EBF1: variants seen among roughly 807,000 people sequenced by gnomAD.
The protein encoded by EBF1 is transcription factor COE1.
In EBF1, 10 loss-of-function variants were observed where a neutral mutation model predicts 68.4. That is an observed-to-expected ratio of 0.15 (90% CI 0.09 to 0.25). The LOEUF is 0.25. Among genes scored for constraint, EBF1 ranks in the 10% least tolerant of loss-of-function variants. EBF1 has a pLI of 1.00. For synonymous variants in EBF1, 298 were observed against 299.8 expected, an observed-to-expected ratio of 0.99 and a Z score of 0.06; for missense variants, 509 against 794.4, an observed-to-expected ratio of 0.64 and a Z score of 4.32.
chr5:158,900,217 T>C (rs566709743), intron 6 of EBF1, among the ~76,000 whole-genome samples: 3 of 152,328 alleles, frequency 2.0e-5, no homozygotes, highest in South Asian at 2.1e-4. Context: ...GGTTATATTT[T>C]ACAAAGATGC....
At chr5:158,828,310 G>A (rs1582292343) in intron 7 of EBF1, among the ~76,000 whole-genome samples, 1 of 152,130 alleles carries the variant, frequency 6.6e-6, no homozygotes, top group African/African-American at 2.4e-5. Flanking sequence ...TGCATTGAAG[G>A]CCTGATCTCC....
At chr5:158,960,615 C>A (rs1817991439) in intron 6 of EBF1, among the ~76,000 whole-genome samples, 1 of 152,058 alleles carries the variant, frequency 6.6e-6, no homozygotes, top group Non-Finnish European at 1.5e-5. Flanking sequence ...TAAATATATC[C>A]ACAAATTCTT....
intron 6 of EBF1, among the ~76,000 whole-genome samples, chr5:159,016,139 T>A (rs750848063): frequency 6.6e-6 from 1 of 152,236 alleles, no homozygotes; most frequent in Non-Finnish European, 1.5e-5. Context: ...TTACTAGATG[T>A]GTTTCATGAG....
chr5:159,004,274 C>A (rs1199598367), intron 6 of EBF1, among the ~76,000 whole-genome samples: 34 of 104,434 alleles, frequency 3.3e-4, no homozygotes, highest in Non-Finnish European at 6.7e-5. Context: ...GAGACTCCAT[C>A]TCCAAAAAAA....
chr5:158,840,332 T>C (rs564337619), intron 6 of EBF1, among the ~76,000 whole-genome samples: 42 of 152,320 alleles, frequency 2.8e-4, no homozygotes, highest in African/African-American at 9.9e-4. Context: ...TGCCAACAGA[T>C]CTCACAGAAG....
chr5:158,740,870 T>G (rs188302465), intron 10 of EBF1, among the ~76,000 whole-genome samples: 1 of 152,314 alleles, frequency 6.6e-6, no homozygotes, highest in African/African-American at 2.4e-5. Flanking sequence ...TGTCTACTAC[T>G]TCAGAGCTCC....
intron 6 of EBF1, among the ~76,000 whole-genome samples, chr5:158,922,624 T>A (rs1314625593): frequency 6.6e-6 from 1 of 152,128 alleles, no homozygotes; most frequent in African/African-American, 2.4e-5. Flanking sequence ...AAAAGTAGAT[T>A]TACGGAAAGT....
intron 6 of EBF1, among the ~76,000 whole-genome samples, chr5:158,947,332 G>A (rs1430261244): frequency 6.6e-6 from 1 of 152,236 alleles, no homozygotes; most frequent in African/African-American, 2.4e-5. Context: ...TTGGCAACCG[G>A]GAGAATCTCC....
At chr5:158,779,699 G>T (rs937009346) in intron 9 of EBF1, among the ~76,000 whole-genome samples, 4 of 152,076 alleles carry the variant, frequency 2.6e-5, no homozygotes, top group Non-Finnish European at 5.9e-5. Flanking sequence ...TTTAAAAGAT[G>T]GAAAGATATT....
At chr5:159,039,908 A>G (rs1770834435) in intron 6 of EBF1, among the ~76,000 whole-genome samples, 1 of 152,224 alleles carries the variant, frequency 6.6e-6, no homozygotes, top group African/African-American at 2.4e-5. Context: ...TTTCTGGAGT[A>G]CCTCTAAAAG....
At chr5:159,073,308 T>C in intron 6 of EBF1, 88 bp downstream of exon 6, 2 of 1,416,890 alleles carry the variant, frequency 1.4e-6, no homozygotes, top group Non-Finnish European at 2.0e-6. Context: ...GCCACATGCA[T>C]TCCTAACCCT....
At chr5:158,764,414 A>G (rs897519871) in intron 10 of EBF1, among the ~76,000 whole-genome samples, 6 of 152,144 alleles carry the variant, frequency 3.9e-5, no homozygotes, top group Non-Finnish European at 1.5e-5. Flanking sequence ...TATCTTGAAG[A>G]CTCACATCCC....
chr5:159,042,211 T>A (rs1476439547), intron 6 of EBF1, among the ~76,000 whole-genome samples: 1 of 152,192 alleles, frequency 6.6e-6, no homozygotes, highest in Non-Finnish European at 1.5e-5. Context: ...GCCTGCATCT[T>A]CTGCTCACAA....
chr5:159,030,379 C>T (rs1768533564), intron 6 of EBF1, among the ~76,000 whole-genome samples: 2 of 152,038 alleles, frequency 1.3e-5, no homozygotes, highest in African/African-American at 4.8e-5. Flanking sequence ...TACATCCCAG[C>T]ATAAGCAAAG....
At chr5:158,870,017 C>T (rs1796608129) in intron 6 of EBF1, among the ~76,000 whole-genome samples, 1 of 152,142 alleles carries the variant, frequency 6.6e-6, no homozygotes, top group South Asian at 2.1e-4. Context: ...AGATTTCATG[C>T]TCCAAAGCTG....
Position 158,713,259 on chromosome 5 carries a change from A to T in EBF1, c.1192-112T>A, listed in dbSNP as rs190918385. 6.4e-6 allele frequency: 6 copies of T among 939,174 alleles called. No individual in the cohort carries two copies. The Admixed American group carries it at 2.1e-4, about 33-fold the overall frequency. 58.2% of individuals were successfully genotyped at this position (939,174 alleles called of 1,614,324 possible). A position where few individuals can be genotyped will look rare whatever the true frequency, so the allele number is the denominator to read the frequency against. ...GGGTTTTCAATGGTCAGCTGCATTA[A>T]CTTCTGTGACCCTCATGACAAACCT... On this transcript the variant is annotated intron_variant, in intron 12 of 15. Coordinates refer to ENST00000313708, the MANE Select transcript of EBF1 (RefSeq NM_024007.5).
intron 6 of EBF1, chr5:159,019,058 A>T (rs1216743715): frequency 2.0e-5 from 3 of 152,212 alleles, no homozygotes; most frequent in Middle Eastern, 3.2e-3. Flanking sequence ...TTGTAAGTCC[A>T]GTAAGTGTTT....
chr5:158,807,019 T>C (rs1781711324), intron 8 of EBF1, among the ~76,000 whole-genome samples: 1 of 152,138 alleles, frequency 6.6e-6, no homozygotes, highest in Non-Finnish European at 1.5e-5. Flanking sequence ...ACATTTCAAG[T>C]AGTCAATAGT....
At chr5:158,967,691 G>A (rs998463227) in intron 6 of EBF1, among the ~76,000 whole-genome samples, 11 of 152,146 alleles carry the variant, frequency 7.2e-5, no homozygotes, top group African/African-American at 2.7e-4. Context: ...TGGGGAAGTG[G>A]GGAGGGATTT....
Sources: allele counts gnomAD v4.1 joint callset (sites outside exome capture counted in the v4.1 genomes callset), GRCh38; gene constraint gnomAD v4.1.1; transcripts MANE v1.5; gene names NCBI Gene and HGNC (gene_info 2026-07-23, HGNC 2026-07-21).